Variants in DAAM1 observed in about 807,000 individuals in gnomAD.
DAAM1 encodes dishevelled associated activator of morphogenesis 1, also known as disheveled-associated activator of morphogenesis 1.
Under a neutral mutation model 130.0 loss-of-function variants are expected in DAAM1, and 52 were observed. That is an observed-to-expected ratio of 0.40 (90% CI 0.32 to 0.50). DAAM1 has a LOEUF of 0.50. Among genes scored for constraint, DAAM1 ranks in the 20% least tolerant of loss-of-function variants. The pLI, the probability that DAAM1 is intolerant of heterozygous loss-of-function variation, is 0.61. For missense variants in DAAM1, 1,134 were observed against 1,303.8 expected (o/e 0.87, Z 2.01); for synonymous variants, 452 against 444.5 (o/e 1.02, Z -0.21).
intron 20 of DAAM1, among the ~76,000 whole-genome samples, chr14:59,355,762 G>A (rs74057113): frequency 0.12 from 19,004 of 152,080 alleles, 1,512 homozygotes; most frequent in African/African-American, 0.23. Flanking sequence ...AATGTTACCA[G>A]CACTCGACAT....
At chr14:59,355,710 A>G (rs56017447) in intron 20 of DAAM1, among the ~76,000 whole-genome samples, 4,865 of 152,210 alleles carry the variant, frequency 0.032, 268 homozygotes, top group African/African-American at 0.11. Context: ...ATTTTTCACA[A>G]ATTAAACACA....
At chr14:59,290,562 T>C (rs1281777949) in intron 2 of DAAM1, among the ~76,000 whole-genome samples, 1 of 152,224 alleles carries the variant, frequency 6.6e-6, no homozygotes, top group Admixed American at 6.5e-5. Context: ...GTTTATGCAA[T>C]GAGGGAGTCA....
chr14:59,366,061 A>C (rs1886904580), intron 23 of DAAM1, among the ~76,000 whole-genome samples: 1 of 152,074 alleles, frequency 6.6e-6, no homozygotes, highest in Non-Finnish European at 1.5e-5. Flanking sequence ...TAACTTTAAA[A>C]ATTTCTTGGT....
chr14:59,355,721 C>A (rs937073344), intron 20 of DAAM1, among the ~76,000 whole-genome samples: 9 of 152,108 alleles, frequency 5.9e-5, no homozygotes, highest in African/African-American at 1.9e-4. Flanking sequence ...ATTAAACACA[C>A]CTGCATAACC....
At chr14:59,359,252 G>A (rs946068115) in intron 20 of DAAM1, 145 bp from the exon 21 acceptor site, 1 of 591,242 alleles carries the variant, frequency 1.7e-6, no homozygotes, top group Non-Finnish European at 2.9e-6. Flanking sequence ...TCCAAATTTT[G>A]AAGTTAATGC....
At chr14:59,350,663 G>A (rs560959807) in intron 17 of DAAM1, among the ~76,000 whole-genome samples, 1 of 152,138 alleles carries the variant, frequency 6.6e-6, no homozygotes, top group South Asian at 2.1e-4. Context: ...CCGGAGCCAG[G>A]GGACACTGCG....
chr14:59,325,578 A>G, intron 8 of DAAM1, 86 bp from the exon 9 acceptor site: 2 of 1,184,942 alleles, frequency 1.7e-6, no homozygotes, highest in East Asian at 4.8e-5. Flanking sequence ...AAAGTCAGGA[A>G]AAACCATGAT....
intron 1 of DAAM1, among the ~76,000 whole-genome samples, chr14:59,224,692 T>C (rs1430813276): frequency 2.0e-5 from 3 of 152,232 alleles, no homozygotes; most frequent in Non-Finnish European, 4.4e-5. Context: ...ATTTTGCACG[T>C]GAGAAAAACA....
chr14:59,269,015 A>G (rs905395348), intron 2 of DAAM1, among the ~76,000 whole-genome samples: 1 of 152,230 alleles, frequency 6.6e-6, no homozygotes, highest in African/African-American at 2.4e-5. Context: ...CCTTGGAATG[A>G]ACAGAAGAAT....
At chr14:59,236,479 T>C (rs1184761019) in intron 1 of DAAM1, among the ~76,000 whole-genome samples, 1 of 152,150 alleles carries the variant, frequency 6.6e-6, no homozygotes, top group Non-Finnish European at 1.5e-5. Context: ...ATTTGCTCTC[T>C]GGCTGGAACA....
At chr14:59,320,339 T>G (rs996318749) in intron 4 of DAAM1, 151 bp from the exon 5 acceptor site, 5 of 638,618 alleles carry the variant, frequency 7.8e-6, no homozygotes, top group Non-Finnish European at 1.0e-5. Flanking sequence ...CCCTAAGGCT[T>G]TATTTAAAAT....
At chr14:59,311,695 T>C (rs1884602987) in intron 3 of DAAM1, among the ~76,000 whole-genome samples, 1 of 152,156 alleles carries the variant, frequency 6.6e-6, no homozygotes. Context: ...TTCTGAAGCA[T>C]TCTCTCCCCG....
intron 1 of DAAM1, among the ~76,000 whole-genome samples, chr14:59,232,261 G>A (rs186213316): frequency 2.0e-4 from 30 of 152,286 alleles, no homozygotes; most frequent in African/African-American, 6.7e-4. Context: ...CCAGTTGGAT[G>A]TCACACCTCC....
rs754321110 is a variant in DAAM1, at chr14:59,367,421, T to C, written c.2827-8T>C. ...AACATTGACTTCTTAAAACCATCTT[T>C]TTCCTAGTTTACTAAAGCAGTGAAG... is the stretch of plus-strand genomic sequence containing the variant. On this transcript the variant is annotated splice_polypyrimidine_tract_variant and splice_region_variant and intron_variant, in intron 23 of 24. Coordinates refer to ENST00000360909, the MANE Select transcript of DAAM1 (RefSeq NM_001270520.2). 1.9e-6 allele frequency: 3 copies of C among 1,590,924 alleles called. No individual in the cohort carries two copies. The African/African-American group carries it at 4.1e-5, about 21-fold the overall frequency.
chr14:59,188,927 C>T (rs1887637454), intron 1 of DAAM1, among the ~76,000 whole-genome samples, 159 bp downstream of exon 1: 5 of 152,164 alleles, frequency 3.3e-5, no homozygotes, highest in Admixed American at 3.3e-4. Flanking sequence ...AAATATTAAA[C>T]CCGTCCTTCA....
chr14:59,332,433 C>T (rs917289180), intron 15 of DAAM1, among the ~76,000 whole-genome samples: 1 of 152,140 alleles, frequency 6.6e-6, no homozygotes, highest in Non-Finnish European at 1.5e-5. Context: ...TACTATATGT[C>T]ATGAACAGAA....
intron 15 of DAAM1, among the ~76,000 whole-genome samples, chr14:59,335,242 T>C (rs540505119): frequency 1.3e-5 from 2 of 152,268 alleles, no homozygotes; most frequent in Admixed American, 1.3e-4. Context: ...TTTTTTTCAG[T>C]GTAAATATCA....
At chr14:59,248,880 C>T (rs563568941) in intron 1 of DAAM1, among the ~76,000 whole-genome samples, 62 of 152,278 alleles carry the variant, frequency 4.1e-4, no homozygotes, top group African/African-American at 1.5e-3. Flanking sequence ...GCCTGCCTCC[C>T]GGGTTCACGC....
rs1483698321 is a variant in DAAM1, at chr14:59,331,799, A to G, written c.1861-14A>G. On this transcript the variant is annotated splice_polypyrimidine_tract_variant and intron_variant, in intron 14 of 24. Coordinates refer to ENST00000360909, the MANE Select transcript of DAAM1 (RefSeq NM_001270520.2). ...AACTGTAAACTATAGCACTTATTAC[A>G]TTGATGTTTCTAGAACAAACTGGAA... 3 of 1,609,350 alleles carry G rather than the reference A, an allele frequency of 1.9e-6. 1 individual carries two copies. Among genetic ancestry groups the G allele is most frequent in the Non-Finnish European group, 2.5e-6 (3 of 1,177,306 alleles).
Sources: allele counts gnomAD v4.1 joint callset (sites outside exome capture counted in the v4.1 genomes callset), GRCh38; gene constraint gnomAD v4.1.1; transcripts MANE v1.5; gene names NCBI Gene and HGNC (gene_info 2026-07-23, HGNC 2026-07-21).